The following DLG2 variants were observed in gnomAD, a reference collection of about 807,000 sequenced individuals.
The protein encoded by DLG2 is discs large MAGUK scaffold protein 2.
DLG2 carries 45 observed loss-of-function variants against 132.5 expected under a neutral mutation model. The observed-to-expected ratio is 0.34, with a 90% CI of 0.27 to 0.44. DLG2 has a LOEUF of 0.44. Ranked by LOEUF, DLG2 falls within the 20% of genes least tolerant of loss-of-function variation. The pLI is 1.00. For missense variants in DLG2, 1,045 were observed against 1,196.9 expected (o/e 0.87, Z 1.87); for synonymous variants, 424 against 419.6 (o/e 1.01, Z -0.13).
intron 11 of DLG2, among the ~76,000 whole-genome samples, chr11:84,041,945 C>A (rs796261711): frequency 1.3e-5 from 2 of 151,966 alleles, no homozygotes; most frequent in African/African-American, 4.8e-5. Context: ...TTTCCCTGTA[C>A]AAGCTCTCTT....
chr11:85,084,677 C>G (rs1480856436), intron 6 of DLG2, among the ~76,000 whole-genome samples: 1 of 152,130 alleles, frequency 6.6e-6, no homozygotes, highest in Non-Finnish European at 1.5e-5. Context: ...CCATTTTTGT[C>G]ATGGTAAATC....
chr11:84,450,453 A>G (rs2154480892), intron 7 of DLG2, among the ~76,000 whole-genome samples: 2 of 151,212 alleles, frequency 1.3e-5, no homozygotes, highest in South Asian at 4.2e-4. Context: ...CAAAAGCAAG[A>G]AGGTTGGAAA....
At chr11:83,829,253 G>C (rs1308443537) in intron 17 of DLG2, among the ~76,000 whole-genome samples, 2 of 147,364 alleles carry the variant, frequency 1.4e-5, no homozygotes, top group Non-Finnish European at 3.0e-5. Flanking sequence ...CTGGGGTGCA[G>C]TGGTGTGATC....
intron 6 of DLG2, among the ~76,000 whole-genome samples, chr11:84,581,973 CATTG>C (rs1328322720): frequency 7.1e-6 from 1 of 140,172 alleles, no homozygotes; most frequent in Non-Finnish European, 1.6e-5. Context: ...AAAATATCAA[CATTG>C]ATTTAGTGTT....
At chr11:85,116,912 T>C (rs969325245) in intron 5 of DLG2, among the ~76,000 whole-genome samples, 1 of 151,976 alleles carries the variant, frequency 6.6e-6, no homozygotes, top group East Asian at 1.9e-4. Flanking sequence ...GTCTTACATA[T>C]CACCTACAAT....
intron 6 of DLG2, among the ~76,000 whole-genome samples, chr11:84,916,160 A>T (rs2154080470): frequency 6.6e-6 from 1 of 151,504 alleles, no homozygotes; most frequent in South Asian, 2.1e-4. Context: ...CCCGGCTAAA[A>T]CGGTGAAACC....
At chr11:85,568,148 C>T (rs1011526117) in intron 3 of DLG2, among the ~76,000 whole-genome samples, 8 of 151,132 alleles carry the variant, frequency 5.3e-5, no homozygotes, top group Non-Finnish European at 1.0e-4. Flanking sequence ...CCAAGTAGCT[C>T]GGATTACAGG....
At chr11:85,624,767 T>C (rs544090658) in intron 2 of DLG2, among the ~76,000 whole-genome samples, 50 of 152,288 alleles carry the variant, frequency 3.3e-4, no homozygotes, top group Non-Finnish European at 5.9e-4. Context: ...ACATATACTC[T>C]GGTATCATAG....
intron 19 of DLG2, among the ~76,000 whole-genome samples, chr11:83,578,590 C>A (rs1263485244): frequency 1.3e-5 from 2 of 151,964 alleles, no homozygotes; most frequent in African/African-American, 2.4e-5. Flanking sequence ...CATATTGACA[C>A]TAGTCAAAAG....
chr11:84,167,234 T>G (rs1443982373), intron 8 of DLG2, among the ~76,000 whole-genome samples: 1 of 152,158 alleles, frequency 6.6e-6, no homozygotes, highest in African/African-American at 2.4e-5. Flanking sequence ...GGCCAGAAAA[T>G]CAAACTGATG....
chr11:85,198,476 A>G (rs540327678), intron 4 of DLG2, among the ~76,000 whole-genome samples: 104 of 152,278 alleles, frequency 6.8e-4, no homozygotes, highest in Non-Finnish European at 6.9e-4. Context: ...TTGTTTCTAG[A>G]ACTAAATCAA....
intron 19 of DLG2, among the ~76,000 whole-genome samples, chr11:83,591,732 T>C (rs1252448970): frequency 6.6e-6 from 1 of 152,128 alleles, no homozygotes; most frequent in Non-Finnish European, 1.5e-5. Context: ...TGATTGTATA[T>C]CTAGAAAACT....
At chr11:83,474,672 A>G (rs1424081986) in intron 22 of DLG2, among the ~76,000 whole-genome samples, 4 of 152,136 alleles carry the variant, frequency 2.6e-5, no homozygotes, top group Non-Finnish European at 5.9e-5. Flanking sequence ...ACATAAAGAA[A>G]GATGTCAACA....
chr11:83,655,942 TCTC>T (rs1382457353), intron 18 of DLG2, among the ~76,000 whole-genome samples: 1 of 152,196 alleles, frequency 6.6e-6, no homozygotes, highest in Non-Finnish European at 1.5e-5. Flanking sequence ...AGTCCTGACA[TCTC>T]CTCAAAGATG....
At chr11:84,377,497 G>A (rs1031668590) in intron 7 of DLG2, among the ~76,000 whole-genome samples, 2 of 151,800 alleles carry the variant, frequency 1.3e-5, no homozygotes, top group African/African-American at 4.8e-5. Context: ...AACTTTCTAG[G>A]TGATTATATA....
chr11:84,488,683 G>A (rs534260464), intron 7 of DLG2, among the ~76,000 whole-genome samples: 2 of 152,196 alleles, frequency 1.3e-5, no homozygotes, highest in South Asian at 4.2e-4. Context: ...CCAAAGGAGT[G>A]GTGGCTATGT....
intron 13 of DLG2, among the ~76,000 whole-genome samples, chr11:83,963,414 T>C (rs1159648934): frequency 1.3e-5 from 2 of 152,014 alleles, no homozygotes; most frequent in Non-Finnish European, 2.9e-5. Flanking sequence ...AAAAGCCTCC[T>C]AAGGATCAGG....
chr11:84,901,249 A>G (rs1434009369), intron 6 of DLG2, among the ~76,000 whole-genome samples: 1 of 152,074 alleles, frequency 6.6e-6, no homozygotes, highest in East Asian at 1.9e-4. Flanking sequence ...CTAGAGTAGT[A>G]GTCATTGAGA....
intron 3 of DLG2, among the ~76,000 whole-genome samples, chr11:85,443,144 G>A (rs989751335): frequency 6.6e-6 from 1 of 152,090 alleles, no homozygotes; most frequent in Non-Finnish European, 1.5e-5. Flanking sequence ...CATTTGACTA[G>A]AACATTTTTC....
Sources: allele counts gnomAD v4.1 joint callset (sites outside exome capture counted in the v4.1 genomes callset), GRCh38; gene constraint gnomAD v4.1.1; transcripts MANE v1.5; gene names NCBI Gene and HGNC (gene_info 2026-07-23, HGNC 2026-07-21).